Variants in HSH2D observed in about 807,000 individuals in gnomAD.
The protein encoded by HSH2D is hematopoietic SH2 domain containing.
A neutral mutation model predicts 21.5 loss-of-function variants in HSH2D; 16 were observed. The observed-to-expected ratio is 0.74, with a 90% CI of 0.50 to 1.13. The LOEUF (loss-of-function observed/expected upper bound fraction) is 1.13, where lower values mean the gene tolerates loss of function less well. Ranked by LOEUF, HSH2D falls within the 50% of genes most tolerant of loss-of-function variation. The pLI is 0.00. For synonymous variants in HSH2D, 172 were observed against 184.7 expected, an observed-to-expected ratio of 0.93 and a Z score of 0.56; for missense variants, 418 against 441.4, an observed-to-expected ratio of 0.95 and a Z score of 0.47.
intron 3 of HSH2D, 153 bp from the exon 4 acceptor site, chr19:16,152,890 C>G (rs1215561535): frequency 1.1e-6 from 1 of 916,840 alleles, no homozygotes; most frequent in East Asian, 2.6e-5. Context: ...GGTTAGTAAC[C>G]TGCTGGGTGT....
In HSH2D at chr19:16,154,299, C is replaced by T; in HGVS notation, c.382-100C>T. On this transcript the variant is annotated intron_variant, in intron 4 of 5. Coordinates refer to ENST00000613986, the MANE Select transcript of HSH2D (RefSeq NM_001382417.1). The stretch of plus-strand genomic sequence containing the variant: ...TGGGCGTGGCCTAGGTACTAAGAAA[C>T]TGCTATTCAAGGGATGGTCCCTGAG... The T allele has an allele frequency of 4.3e-6, 3 of 703,006 alleles. No homozygotes were observed. The South Asian group carries it at 5.6e-5, about 13-fold the overall frequency. 43.5% of individuals were successfully genotyped at this position (703,006 alleles called of 1,614,324 possible). A position where few individuals can be genotyped will look rare whatever the true frequency, so the allele number is the denominator to read the frequency against.
chr19:16,142,435 T>G (rs2091008775), upstream of HSH2D, among the ~76,000 whole-genome samples: 1 of 151,898 alleles, frequency 6.6e-6, no homozygotes, highest in Admixed American at 6.5e-5. Context: ...GGGTTTTTTG[T>G]TTTTTTGTTT....
chr19:16,141,257 C>G (rs930368301), upstream of HSH2D, among the ~76,000 whole-genome samples: 1 of 152,174 alleles, frequency 6.6e-6, no homozygotes, highest in African/African-American at 2.4e-5. Context: ...AGAGGGCAGA[C>G]GAGGTGCTGC....
At chr19:16,138,704 C>T (rs2090980302), upstream of HSH2D, among the ~76,000 whole-genome samples, 1 of 152,048 alleles carries the variant, frequency 6.6e-6, no homozygotes, top group African/African-American at 2.4e-5. Context: ...GATCTGCCTG[C>T]CTCAGTCTCC....
At chr19:16,155,332 A>C (rs1011474365) in intron 5 of HSH2D, among the ~76,000 whole-genome samples, 1 of 152,200 alleles carries the variant, frequency 6.6e-6, no homozygotes, top group Middle Eastern at 3.4e-3. Flanking sequence ...TATAGCTGAG[A>C]TCTGCAAGGT....
In HSH2D at chr19:16,156,643, G is replaced by A. The variant is rs116211574; in HGVS notation, c.475-567G>A. ...AACAGCAGAGCTACATAATTGAGAC[G>A]GATGGTACAGCCTGCAAAGTTGAAA... On this transcript the variant is annotated intron_variant, in intron 5 of 5. Coordinates refer to ENST00000613986, the MANE Select transcript of HSH2D (RefSeq NM_001382417.1). Among the ~76,000 whole-genome samples, 414 of 152,248 alleles carry A rather than the reference G, an allele frequency of 2.7e-3. 2 individuals are homozygous for A. Among genetic ancestry groups the A allele is most frequent in the African/African-American group, 9.4e-3 (391 of 41,546 alleles).
At position 16,153,158 on chromosome 19, in the gene HSH2D, C is replaced by A. The variant is rs373382652; in HGVS notation, c.331C>A (p.Gln111Lys). ...SLDALVTFHQ[Q>K]KPIEPRRELL... ...GGACGCCCTGGTCACCTTCCACCAG[C>A]AGAAGCCAATTGAGCCGCGCAGGGA... The change falls in exon 4 of 6, where the codon CAG (glutamine) becomes AAG (lysine). Residue 111 changes from glutamine (Q) to lysine (K), a missense_variant. Gln to Lys is a moderately conservative substitution (Grantham distance 53). Coordinates refer to ENST00000613986, the MANE Select transcript of HSH2D (RefSeq NM_001382417.1). 12 of 1,578,414 alleles carry A rather than the reference C, an allele frequency of 7.6e-6. No homozygotes were observed. Among genetic ancestry groups the A allele is most frequent in the Non-Finnish European group, 8.6e-6 (10 of 1,163,422 alleles).
rs1330625562 is a variant in HSH2D at position 16,144,794 on chromosome 19, G to A, written c.-28+1020G>A. Among the ~76,000 whole-genome samples, 5 of 135,050 alleles carry A rather than the reference G, an allele frequency of 3.7e-5. No homozygotes were observed. The East Asian group carries it at 1.0e-3, about 28-fold the overall frequency. 88.6% of individuals were successfully genotyped at this position (135,050 alleles called of 152,430 possible). A position where few individuals can be genotyped will look rare whatever the true frequency, so the allele number is the denominator to read the frequency against. On this transcript the variant is annotated intron_variant, in intron 1 of 5. Coordinates refer to ENST00000613986, the MANE Select transcript of HSH2D (RefSeq NM_001382417.1). ...TGCAAGCTCTGCCTCCCGAGTTCACGCCATTCTCCTGCCTCAGCCTCCCAA... is the reference window on the plus strand; with the variant it reads ...TGCAAGCTCTGCCTCCCGAGTTCACACCATTCTCCTGCCTCAGCCTCCCAA...
upstream of HSH2D, among the ~76,000 whole-genome samples, chr19:16,143,059 G>A (rs1033040058): frequency 2.1e-4 from 32 of 152,076 alleles, no homozygotes; most frequent in East Asian, 3.9e-4. Context: ...GTGAGCCACC[G>A]CGCCCAGTTT....
intron 1 of HSH2D, among the ~76,000 whole-genome samples, chr19:16,137,770 A>G (rs985029787): frequency 1.3e-5 from 2 of 151,640 alleles, no homozygotes; most frequent in African/African-American, 4.8e-5. Context: ...TTTTGTAGAG[A>G]TGGTGTCTCA....
At chr19:16,144,392 G>C (rs2091035604) in intron 1 of HSH2D, among the ~76,000 whole-genome samples, 1 of 151,862 alleles carries the variant, frequency 6.6e-6, no homozygotes, top group Non-Finnish European at 1.5e-5. Flanking sequence ...CCTGGAGGAG[G>C]GGACATTTTT....
chr19:16,150,108 G>A (rs149602951), intron 2 of HSH2D, among the ~76,000 whole-genome samples: 4 of 152,292 alleles, frequency 2.6e-5, no homozygotes, highest in African/African-American at 9.6e-5. Flanking sequence ...AAAAATTTTA[G>A]TAGTTATATT....
chr19:16,143,913 G>T, intron 1 of HSH2D, 139 bp downstream of exon 1: 1 of 267,200 alleles, frequency 3.7e-6, no homozygotes, highest in Non-Finnish European at 7.9e-6. Flanking sequence ...TCGTGGAGGA[G>T]GGGGTATTTG....
At chr19:16,135,625 A>G (rs1453051971) in intron 1 of HSH2D, among the ~76,000 whole-genome samples, 1 of 152,068 alleles carries the variant, frequency 6.6e-6, no homozygotes, top group African/African-American at 2.4e-5. Flanking sequence ...CTCATCACTG[A>G]GAAGGCCCCA....
At chr19:16,154,076 T>C (rs2091203994) in intron 4 of HSH2D, among the ~76,000 whole-genome samples, 1 of 147,136 alleles carries the variant, frequency 6.8e-6, no homozygotes, top group Non-Finnish European at 1.5e-5. Context: ...CATCTTTCCT[T>C]ATAGGACTCA....
At chr19:16,137,708 A>G (rs1325537761) in intron 1 of HSH2D, among the ~76,000 whole-genome samples, 1 of 152,072 alleles carries the variant, frequency 6.6e-6, no homozygotes, top group African/African-American at 2.4e-5. Context: ...TAGCCTCCCA[A>G]GTAGCTGGTA....
intron 5 of HSH2D, among the ~76,000 whole-genome samples, chr19:16,156,538 T>C (rs2091239722): frequency 6.6e-6 from 1 of 152,170 alleles, no homozygotes; most frequent in Non-Finnish European, 1.5e-5. Context: ...ATAAAATTCA[T>C]ATTTCCATGT....
upstream of HSH2D, among the ~76,000 whole-genome samples, chr19:16,140,888 CA>C (rs951150658): frequency 1.4e-4 from 21 of 144,864 alleles, no homozygotes; most frequent in African/African-American, 2.5e-4. Flanking sequence ...GGACCCTACT[CA>C]AAAAAAAAAG....
At chr19:16,156,171 C>G (rs2091233835) in intron 5 of HSH2D, among the ~76,000 whole-genome samples, 1 of 151,762 alleles carries the variant, frequency 6.6e-6, no homozygotes, top group Non-Finnish European at 1.5e-5. Flanking sequence ...CTGGGCAACA[C>G]AGCAAGCCCG....
Sources: gnomAD v4.1 joint callset for allele counts (sites outside exome capture counted in the v4.1 genomes callset) on GRCh38, gnomAD v4.1.1 for gene constraint, MANE v1.5 for transcripts, NCBI Gene and HGNC (gene_info 2026-07-23, HGNC 2026-07-21) for gene names.